Variants in NRXN3 observed in about 807,000 individuals in gnomAD.
NRXN3 encodes neurexin 3.
NRXN3 carries 32 observed loss-of-function variants against 137.6 expected under a neutral mutation model. The ratio of observed to expected loss-of-function variants is 0.23; its 90% CI spans 0.18 to 0.31. The LOEUF is 0.31. Among genes scored for constraint, NRXN3 ranks in the 10% least tolerant of loss-of-function variants. The probability of loss-of-function intolerance (pLI) is 1.00; values close to 1 mark genes in which losing one functional copy is unlikely to be tolerated. For synonymous variants in NRXN3, 798 were observed against 784.5 expected (o/e 1.02, Z -0.29); for missense variants, 1,574 against 2,062.5 (o/e 0.76, Z 4.59).
chr14:78,426,675 G>A (rs1349246136), intron 4 of NRXN3, among the ~76,000 whole-genome samples: 1 of 152,144 alleles, frequency 6.6e-6, no homozygotes, highest in Non-Finnish European at 1.5e-5. Flanking sequence ...GGCCTGTCTG[G>A]ATTCCTCCCT....
At chr14:79,478,227 A>T (rs2096577029) in intron 16 of NRXN3, among the ~76,000 whole-genome samples, 1 of 149,138 alleles carries the variant, frequency 6.7e-6, no homozygotes, top group African/African-American at 2.4e-5. Flanking sequence ...TATTAAATAT[A>T]TACATATACA....
chr14:78,569,807 G>A (rs1038154321), intron 4 of NRXN3, among the ~76,000 whole-genome samples: 3 of 151,324 alleles, frequency 2.0e-5, no homozygotes, highest in Admixed American at 1.3e-4. Flanking sequence ...TGATCTACCC[G>A]CCTCGGCCTC....
chr14:78,686,608 G>A (rs1031804981), intron 6 of NRXN3, among the ~76,000 whole-genome samples: 1 of 152,202 alleles, frequency 6.6e-6, no homozygotes, highest in African/African-American at 2.4e-5. Context: ...TAATGTGTGA[G>A]TGTCTGCATG....
In NRXN3 at chr14:79,306,512, G is replaced by A. The variant is rs941392298; in HGVS notation, c.3263-160709G>A. On this transcript the variant is annotated intron_variant, in intron 15 of 20. Coordinates refer to ENST00000335750, the MANE Select transcript of NRXN3 (RefSeq NM_001330195.2). ...GCTAACTGCTTTGGCAGAAATTCAG[G>A]CATATATATAGTTATTTTAATACAA... Among the ~76,000 whole-genome samples, 4 of 152,140 alleles carry A rather than the reference G, an allele frequency of 2.6e-5. No homozygotes were observed. In the South Asian group the frequency reaches 8.3e-4, roughly 32 times the overall value.
chr14:78,726,481 T>C (rs1249873351), intron 8 of NRXN3, among the ~76,000 whole-genome samples: 1 of 147,306 alleles, frequency 6.8e-6, no homozygotes, highest in Non-Finnish European at 1.5e-5. Flanking sequence ...TTAATTGTGA[T>C]AAAATACACA....
At chr14:79,331,135 T>G (rs1598801075) in intron 15 of NRXN3, among the ~76,000 whole-genome samples, 1 of 152,238 alleles carries the variant, frequency 6.6e-6, no homozygotes, top group African/African-American at 2.4e-5. Context: ...TAATGTATTT[T>G]TTCCAGTAAC....
At chr14:79,773,125 A>G (rs1329082855) in intron 19 of NRXN3, among the ~76,000 whole-genome samples, 2 of 152,258 alleles carry the variant, frequency 1.3e-5, no homozygotes, top group African/African-American at 4.8e-5. Flanking sequence ...AAGTCAGGAA[A>G]CAACAGGTGC....
intron 4 of NRXN3, among the ~76,000 whole-genome samples, chr14:78,475,646 C>A (rs1474191954): frequency 6.6e-6 from 1 of 152,148 alleles, no homozygotes; most frequent in African/African-American, 2.4e-5. Context: ...AATAACAGGG[C>A]AGACAAAGAG....
chr14:79,716,080 T>C (rs1354647074), intron 19 of NRXN3, among the ~76,000 whole-genome samples: 1 of 152,040 alleles, frequency 6.6e-6, no homozygotes, highest in Non-Finnish European at 1.5e-5. Context: ...GACAAAGGGG[T>C]GTGGGACTGG....
intron 4 of NRXN3, among the ~76,000 whole-genome samples, chr14:78,366,990 G>T (rs1400223582): frequency 1.3e-5 from 2 of 152,198 alleles, no homozygotes; most frequent in African/African-American, 2.4e-5. Flanking sequence ...GAGGCCTTTA[G>T]TGAAGAGGTT....
chr14:79,850,809 G>A (rs920992349), intron 20 of NRXN3, among the ~76,000 whole-genome samples: 3 of 152,166 alleles, frequency 2.0e-5, no homozygotes, highest in Non-Finnish European at 4.4e-5. Context: ...ATGTCATTTT[G>A]TATCTTAGAG....
intron 8 of NRXN3, among the ~76,000 whole-genome samples, chr14:78,719,122 A>G (rs1431721573): frequency 6.6e-6 from 1 of 152,224 alleles, no homozygotes; most frequent in East Asian, 1.9e-4. Context: ...TGGAGCTTAA[A>G]TTTTAGACCA....
chr14:78,397,490 T>C (rs971977796), intron 4 of NRXN3, among the ~76,000 whole-genome samples: 1 of 152,180 alleles, frequency 6.6e-6, no homozygotes, highest in African/African-American at 2.4e-5. Flanking sequence ...TTATCAGTTA[T>C]TCTGTTTTTT....
At chr14:79,221,365 C>T (rs1352419391) in intron 15 of NRXN3, among the ~76,000 whole-genome samples, 1 of 152,158 alleles carries the variant, frequency 6.6e-6, no homozygotes, top group Non-Finnish European at 1.5e-5. Flanking sequence ...TTTACACTCC[C>T]CCCAACAGTG....
intron 15 of NRXN3, among the ~76,000 whole-genome samples, chr14:79,268,827 T>A (rs2078848817): frequency 6.6e-6 from 1 of 152,188 alleles, no homozygotes; most frequent in African/African-American, 2.4e-5. Flanking sequence ...ATATATATCT[T>A]ATACACATTA....
chr14:78,207,487 T>C (rs2062321554), intron 1 of NRXN3, among the ~76,000 whole-genome samples: 1 of 152,188 alleles, frequency 6.6e-6, no homozygotes, highest in African/African-American at 2.4e-5. Context: ...ACATCAGGAT[T>C]GACAGCTGCA....
At chr14:79,835,663 A>G (rs1261260911) in intron 20 of NRXN3, among the ~76,000 whole-genome samples, 1 of 152,184 alleles carries the variant, frequency 6.6e-6, no homozygotes, top group African/African-American at 2.4e-5. Flanking sequence ...ATCTTAGGTG[A>G]CACAATTGAG....
intron 15 of NRXN3, among the ~76,000 whole-genome samples, chr14:79,253,340 T>G (rs935786469): frequency 6.6e-6 from 1 of 152,028 alleles, no homozygotes; most frequent in African/African-American, 2.4e-5. Context: ...GCCAGTTCTG[T>G]GGGGAATACA....
intron 3 of NRXN3, among the ~76,000 whole-genome samples, chr14:78,284,874 A>G (rs1019247943): frequency 6.6e-6 from 1 of 152,218 alleles, no homozygotes; most frequent in African/African-American, 2.4e-5. Context: ...TATTTTGTAG[A>G]GAACCCACAG....
Sources: gnomAD v4.1 joint callset for allele counts (sites outside exome capture counted in the v4.1 genomes callset) on GRCh38, gnomAD v4.1.1 for gene constraint, MANE v1.5 for transcripts, NCBI Gene and HGNC (gene_info 2026-07-23, HGNC 2026-07-21) for gene names.